Variants in ADGRL3 observed in about 807,000 individuals in gnomAD.
ADGRL3 encodes the protein calcium-independent alpha-latrotoxin receptor 3.
In ADGRL3, 62 loss-of-function variants were observed where a neutral mutation model predicts 153.5. That is an observed-to-expected ratio of 0.40 (90% CI 0.33 to 0.50). The LOEUF is 0.50. Ranked by LOEUF, ADGRL3 falls within the 20% of genes least tolerant of loss-of-function variation. ADGRL3 has a pLI of 0.47. For missense variants in ADGRL3, 1,641 were observed against 1,859.4 expected, an observed-to-expected ratio of 0.88 and a Z score of 2.16; for synonymous variants, 710 against 672.5, an observed-to-expected ratio of 1.06 and a Z score of -0.86.
chr4:61,476,984 G>A (rs1458240033), intron 2 of ADGRL3, among the ~76,000 whole-genome samples: 1 of 151,356 alleles, frequency 6.6e-6, no homozygotes, highest in Admixed American at 6.6e-5. Flanking sequence ...ATTTTGTTCA[G>A]TTCATGTGAA....
At chr4:61,817,276 G>A (rs1171050322) in intron 9 of ADGRL3, among the ~76,000 whole-genome samples, 3 of 152,198 alleles carry the variant, frequency 2.0e-5, no homozygotes, top group Non-Finnish European at 2.9e-5. Flanking sequence ...TCAAGGCAGG[G>A]ATGGCCTGAA....
chr4:61,360,139 A>T (rs2096261638), intron 1 of ADGRL3, among the ~76,000 whole-genome samples: 1 of 152,126 alleles, frequency 6.6e-6, no homozygotes, highest in Non-Finnish European at 1.5e-5. Flanking sequence ...GAGAATTAGG[A>T]CACAACACAT....
At chr4:61,460,044 A>C (rs1430965858) in intron 2 of ADGRL3, among the ~76,000 whole-genome samples, 1 of 151,876 alleles carries the variant, frequency 6.6e-6, no homozygotes, top group Non-Finnish European at 1.5e-5. Flanking sequence ...CATTTTGTTG[A>C]TTGCTTCCTT....
chr4:61,526,105 T>C (rs1311958062), intron 4 of ADGRL3, among the ~76,000 whole-genome samples: 1 of 152,096 alleles, frequency 6.6e-6, no homozygotes, highest in Non-Finnish European at 1.5e-5. Context: ...ATACAATTGG[T>C]AAACTGAAGT....
intron 4 of ADGRL3, among the ~76,000 whole-genome samples, chr4:61,567,562 C>T (rs1039199782): frequency 1.6e-4 from 25 of 152,110 alleles, no homozygotes; most frequent in Non-Finnish European, 2.9e-5. Flanking sequence ...CTGTCAACAC[C>T]TTGTTCTTGG....
At chr4:61,745,592 T>G (rs1221395612) in intron 8 of ADGRL3, among the ~76,000 whole-genome samples, 1 of 152,140 alleles carries the variant, frequency 6.6e-6, no homozygotes, top group African/African-American at 2.4e-5. Context: ...ACCCAGAATT[T>G]CATATCCAGC....
At chr4:61,780,958 GT>G in intron 8 of ADGRL3, among the ~76,000 whole-genome samples, 1 of 152,286 alleles carries the variant, frequency 6.6e-6, no homozygotes, top group African/African-American at 2.4e-5. Context: ...ATCTGAATCT[GT>G]TGAATTAAAT....
chr4:61,748,396 T>C (rs1329210817), intron 8 of ADGRL3, among the ~76,000 whole-genome samples: 3 of 151,002 alleles, frequency 2.0e-5, no homozygotes, highest in African/African-American at 7.4e-5. Flanking sequence ...GAGCCTGCAT[T>C]CCCAAGTCAA....
intron 1 of ADGRL3, among the ~76,000 whole-genome samples, chr4:61,253,221 A>G (rs2091629031): frequency 6.6e-6 from 1 of 152,214 alleles, no homozygotes; most frequent in African/African-American, 2.4e-5. Context: ...GAAATTTGCA[A>G]ACACAGCAAA....
chr4:61,916,117 A>G (rs577421269), intron 13 of ADGRL3, among the ~76,000 whole-genome samples: 1 of 152,280 alleles, frequency 6.6e-6, no homozygotes, highest in African/African-American at 2.4e-5. Context: ...TTTAACTATC[A>G]GTTGTCAACT....
chr4:61,670,310 T>A (rs1232054908), intron 5 of ADGRL3, among the ~76,000 whole-genome samples: 3 of 152,124 alleles, frequency 2.0e-5, no homozygotes, highest in East Asian at 1.9e-4. Context: ...ATATATATAT[T>A]ATTTTAATGA....
intron 2 of ADGRL3, among the ~76,000 whole-genome samples, chr4:61,457,279 G>A (rs369243928): frequency 2.0e-5 from 3 of 151,882 alleles, no homozygotes; most frequent in African/African-American, 7.2e-5. Flanking sequence ...ATATTTAGGG[G>A]CTGGCATCTG....
At chr4:62,017,959 C>T (rs1033098991) in intron 21 of ADGRL3, among the ~76,000 whole-genome samples, 1 of 152,108 alleles carries the variant, frequency 6.6e-6, no homozygotes, top group African/African-American at 2.4e-5. Context: ...TCTTGGCTCA[C>T]TGCAACCCCC....
intron 2 of ADGRL3, among the ~76,000 whole-genome samples, chr4:61,421,225 T>C (rs1031646925): frequency 1.3e-5 from 2 of 152,080 alleles, no homozygotes; most frequent in Admixed American, 1.3e-4. Flanking sequence ...TCCCAGCTAC[T>C]TGGGAGGCTG....
chr4:61,710,629 G>A (rs757549790), intron 6 of ADGRL3, among the ~76,000 whole-genome samples: 1 of 152,096 alleles, frequency 6.6e-6, no homozygotes, highest in Non-Finnish European at 1.5e-5. Flanking sequence ...GATAAATGAC[G>A]CTAAACTTGA....
At chr4:61,326,597 TAATG>T (rs1383404333) in intron 1 of ADGRL3, among the ~76,000 whole-genome samples, 1 of 135,828 alleles carries the variant, frequency 7.4e-6, no homozygotes, top group Non-Finnish European at 1.5e-5. Flanking sequence ...TTATGCCAGA[TAATG>T]TGTGTGTGTG....
chr4:61,220,991 T>C (rs1346327091), intron 1 of ADGRL3, among the ~76,000 whole-genome samples: 2 of 152,204 alleles, frequency 1.3e-5, no homozygotes, highest in Non-Finnish European at 2.9e-5. Flanking sequence ...TTTTCCCCAA[T>C]GCACATTTTC....
intron 5 of ADGRL3, among the ~76,000 whole-genome samples, chr4:61,646,531 G>C (rs1260572345): frequency 6.9e-6 from 1 of 145,922 alleles, no homozygotes; most frequent in Non-Finnish European, 1.5e-5. Flanking sequence ...TTGGAGTACT[G>C]GGCCCTGTGA....
intron 1 of ADGRL3, among the ~76,000 whole-genome samples, chr4:61,341,386 A>C (rs1476838770): frequency 3.3e-5 from 5 of 151,892 alleles, no homozygotes; most frequent in Admixed American, 3.3e-4. Flanking sequence ...GTACAGAAGT[A>C]TGTAAAATAA....
Sources: gnomAD v4.1 joint callset for allele counts (sites outside exome capture counted in the v4.1 genomes callset) on GRCh38, gnomAD v4.1.1 for gene constraint, MANE v1.5 for transcripts, NCBI Gene and HGNC (gene_info 2026-07-23, HGNC 2026-07-21) for gene names.